The following DPP4 variants were observed in gnomAD, a reference collection of about 807,000 sequenced individuals.
The protein encoded by DPP4 is ADCP-2.
A neutral mutation model predicts 122.4 loss-of-function variants in DPP4; 93 were observed. The ratio of observed to expected loss-of-function variants is 0.76; its 90% CI spans 0.64 to 0.90. DPP4 has a LOEUF of 0.90. DPP4 is among the 40% of genes least tolerant of loss of function. The pLI is 0.00. For synonymous variants in DPP4, 321 were observed against 302.9 expected (o/e 1.06, Z -0.62); for missense variants, 914 against 907.3 (o/e 1.01, Z -0.09).
At chr2:162,046,817 G>A (rs1417934297) in intron 4 of DPP4, 98 bp downstream of exon 4, 6 of 814,112 alleles carry the variant, frequency 7.4e-6, no homozygotes, top group East Asian at 2.5e-5. Flanking sequence ...TGCAGAAAGA[G>A]TCCAACAGGT....
chr2:162,071,509 G>C (rs1685117567), intron 2 of DPP4, among the ~76,000 whole-genome samples: 1 of 152,156 alleles, frequency 6.6e-6, no homozygotes, highest in African/African-American at 2.4e-5. Context: ...GGGCGTGGTG[G>C]TGTGTGCCTG....
intron 8 of DPP4, among the ~76,000 whole-genome samples, chr2:162,036,064 T>C (rs1219609294): frequency 3.3e-5 from 5 of 152,308 alleles, no homozygotes; most frequent in Admixed American, 2.6e-4. Context: ...ATGATTATTA[T>C]GGGGTCTATA....
intron 10 of DPP4, among the ~76,000 whole-genome samples, chr2:162,027,017 A>C (rs1683354712): frequency 6.6e-6 from 1 of 152,208 alleles, no homozygotes. Flanking sequence ...TTCATTTAAT[A>C]TTCCACTGAA....
chr2:162,030,433 T>C (rs1375503356), intron 10 of DPP4, among the ~76,000 whole-genome samples: 5 of 152,322 alleles, frequency 3.3e-5, no homozygotes, highest in South Asian at 2.1e-4. Flanking sequence ...CTGCAGGCTC[T>C]GTGGTGAAGG....
chr2:162,022,072 A>G (rs1683152688), intron 12 of DPP4, among the ~76,000 whole-genome samples: 1 of 152,166 alleles, frequency 6.6e-6, no homozygotes, highest in Admixed American at 6.5e-5. Flanking sequence ...ATTAAGTGAG[A>G]TTCATTCCTC....
chr2:162,061,695 T>G (rs1684780613), intron 2 of DPP4, among the ~76,000 whole-genome samples: 1 of 152,186 alleles, frequency 6.6e-6, no homozygotes, highest in Admixed American at 6.5e-5. Context: ...TTAAAAAAAT[T>G]TTCTTGCCTG....
chr2:162,061,597 C>T (rs1469607817), intron 2 of DPP4, among the ~76,000 whole-genome samples: 1 of 152,124 alleles, frequency 6.6e-6, no homozygotes, highest in Non-Finnish European at 1.5e-5. Flanking sequence ...CTAGCACTTA[C>T]AAATTGTAGG....
Position 161,995,852 on chromosome 2 carries a change from G to A in DPP4, c.2053-480C>T, listed in dbSNP as rs188144033. 3.3e-4 allele frequency among the ~76,000 whole-genome samples: 50 copies of A among 152,308 alleles called. No individual in the cohort carries two copies. The East Asian group carries it at 8.9e-3, about 27-fold the overall frequency. ...CTAAACATACTCTGCAATATGTCAT[G>A]TGAACTTTGGTCCACATTGCTGAGC... On this transcript the variant is annotated intron_variant, in intron 23 of 25. Coordinates refer to ENST00000360534, the MANE Select transcript of DPP4 (RefSeq NM_001935.4).
chr2:162,001,953 T>A (rs1363314364), intron 23 of DPP4, among the ~76,000 whole-genome samples: 1 of 152,198 alleles, frequency 6.6e-6, no homozygotes, highest in Non-Finnish European at 1.5e-5. Flanking sequence ...GAGGTCTGGA[T>A]ATCCTTTAAA....
At chr2:162,000,221 A>G (rs558089768) in intron 23 of DPP4, among the ~76,000 whole-genome samples, 2 of 152,308 alleles carry the variant, frequency 1.3e-5, no homozygotes, top group African/African-American at 4.8e-5. Context: ...CCAAAGCTGC[A>G]TAAATAATAT....
At chr2:162,028,207 C>A (rs1055216783) in intron 10 of DPP4, among the ~76,000 whole-genome samples, 4 of 151,944 alleles carry the variant, frequency 2.6e-5, no homozygotes, top group Admixed American at 2.6e-4. Context: ...ACTAAAAATA[C>A]AAAAATTAGT....
At chr2:162,034,024 C>A (rs1190500153) in intron 9 of DPP4, among the ~76,000 whole-genome samples, 1 of 151,662 alleles carries the variant, frequency 6.6e-6, no homozygotes, top group Non-Finnish European at 1.5e-5. Flanking sequence ...TGCAAATATA[C>A]CCTGTCTCCC....
rs558164143 is a variant in DPP4 at position 162,014,054 on chromosome 2, C to T, written c.1637+342G>A. Among the ~76,000 whole-genome samples, 8 of 152,214 alleles carry T rather than the reference C, an allele frequency of 5.3e-5. No homozygotes were observed. In the South Asian group the frequency reaches 6.2e-4, roughly 12 times the overall value. ...GGGAGCTGGGGTAAGGGAACTGTCACGACTGTTAATGCCCATCTCTTGCTT... is the reference window on the plus strand; with the variant it reads ...GGGAGCTGGGGTAAGGGAACTGTCATGACTGTTAATGCCCATCTCTTGCTT... On this transcript the variant is annotated intron_variant, in intron 19 of 25. Transcript: ENST00000360534.
At chr2:162,004,451 T>C (rs537017565) in intron 23 of DPP4, among the ~76,000 whole-genome samples, 139 of 152,288 alleles carry the variant, frequency 9.1e-4, no homozygotes, top group Non-Finnish European at 1.4e-3. Flanking sequence ...AATCTAATTA[T>C]GGGACTGTTT....
intron 4 of DPP4, among the ~76,000 whole-genome samples, chr2:162,045,921 G>A (rs542208606): frequency 8.9e-4 from 136 of 152,318 alleles, no homozygotes; most frequent in African/African-American, 1.7e-3. Flanking sequence ...GGGAAAGGAC[G>A]TGGATGTTTA....
At chr2:162,002,884 T>TTAGATTCAGTTCTCCACA (rs1260062901) in intron 23 of DPP4, among the ~76,000 whole-genome samples, 1 of 152,194 alleles carries the variant, frequency 6.6e-6, no homozygotes, top group Non-Finnish European at 1.5e-5. Context: ...AAATAGGCAC[T>TTAGATTCAGTTCTCCACA]TAGATTCAGT....
intron 8 of DPP4, among the ~76,000 whole-genome samples, 153 bp downstream of exon 8, chr2:162,038,149 T>C (rs576438278): frequency 6.6e-6 from 1 of 152,252 alleles, no homozygotes; most frequent in African/African-American, 2.4e-5. Context: ...CAAGGAGACA[T>C]CTGGTGCTGT....
At chr2:162,027,427 A>G (rs1683369633) in intron 10 of DPP4, among the ~76,000 whole-genome samples, 1 of 152,110 alleles carries the variant, frequency 6.6e-6, no homozygotes, top group African/African-American at 2.4e-5. Context: ...TGGCCCATAA[A>G]CCCTAGTGTG....
intron 9 of DPP4, among the ~76,000 whole-genome samples, chr2:162,033,992 T>C (rs1683673196): frequency 6.6e-6 from 1 of 151,254 alleles, no homozygotes; most frequent in Non-Finnish European, 1.5e-5. Context: ...AGGATAAACC[T>C]CTTAAAATCA....
Sources: gnomAD v4.1 joint callset for allele counts (sites outside exome capture counted in the v4.1 genomes callset) on GRCh38, gnomAD v4.1.1 for gene constraint, MANE v1.5 for transcripts, NCBI Gene and HGNC (gene_info 2026-07-23, HGNC 2026-07-21) for gene names.